SPOCK1: variants seen among roughly 807,000 people sequenced by gnomAD.
SPOCK1 encodes the protein testican-1.
SPOCK1 carries 23 observed loss-of-function variants against 55.3 expected under a neutral mutation model. The ratio of observed to expected loss-of-function variants is 0.42; its 90% CI spans 0.30 to 0.59. The LOEUF (loss-of-function observed/expected upper bound fraction) is 0.59. Ranked by LOEUF, SPOCK1 falls within the 20% of genes least tolerant of loss-of-function variation. SPOCK1 has a pLI of 0.22. For missense variants in SPOCK1, 499 were observed against 552.5 expected, an observed-to-expected ratio of 0.90 and a Z score of 0.97; for synonymous variants, 226 against 221.0, an observed-to-expected ratio of 1.02 and a Z score of -0.20.
rs772327951 is a variant in SPOCK1 at position 137,067,719 on chromosome 5, C to T, written c.585G>A (p.Arg195=). 2.4e-5 allele frequency: 38 copies of T among 1,614,018 alleles called. No homozygotes were observed. The highest frequency in any genetic ancestry group is 3.2e-5 in the Non-Finnish European group (38 of 1,179,894). ...EPEPPKHKAE[R]SACTDKELRN... The stretch of plus-strand genomic sequence containing the variant: ...CTGAAGGAAACCCTCACTCACCACT[C>T]CTTTCTGCCTTGTGCTTTGGTGGCT... Residue 195 remains arginine, a synonymous_variant, in exon 6 of 11, where the codon AGG becomes AGA. Transcript: ENST00000394945.
chr5:137,258,294 G>A (rs768117613), intron 3 of SPOCK1, among the ~76,000 whole-genome samples: 3 of 152,166 alleles, frequency 2.0e-5, no homozygotes, highest in African/African-American at 4.8e-5. Flanking sequence ...CCACTATACC[G>A]CATTGCCTTT....
intron 2 of SPOCK1, among the ~76,000 whole-genome samples, chr5:137,424,329 T>G (rs1238953740): frequency 3.9e-5 from 6 of 152,174 alleles, no homozygotes; most frequent in Non-Finnish European, 8.8e-5. Context: ...TGCAGCAAGT[T>G]ATGATCATGC....
At chr5:137,172,334 G>A (rs957819911) in intron 3 of SPOCK1, among the ~76,000 whole-genome samples, 1 of 152,124 alleles carries the variant, frequency 6.6e-6, no homozygotes, top group African/African-American at 2.4e-5. Flanking sequence ...ATGAGGATTT[G>A]GAAAACAAGA....
At chr5:137,470,719 A>G (rs1753722410) in intron 2 of SPOCK1, among the ~76,000 whole-genome samples, 1 of 152,194 alleles carries the variant, frequency 6.6e-6, no homozygotes, top group African/African-American at 2.4e-5. Flanking sequence ...CCAGTGAATC[A>G]CTGTTTTGAT....
intron 5 of SPOCK1, among the ~76,000 whole-genome samples, chr5:137,068,073 T>C (rs772265472): frequency 3.3e-5 from 5 of 152,158 alleles, no homozygotes; most frequent in Non-Finnish European, 7.4e-5. Flanking sequence ...TTAATGATGG[T>C]AAACCCTACT....
intron 2 of SPOCK1, among the ~76,000 whole-genome samples, chr5:137,348,670 T>C (rs1328099724): frequency 6.6e-6 from 1 of 152,110 alleles, no homozygotes; most frequent in Non-Finnish European, 1.5e-5. Flanking sequence ...TATGTTGAAG[T>C]AGTTATAATA....
chr5:137,304,864 C>G (rs1396432700), intron 2 of SPOCK1, among the ~76,000 whole-genome samples: 2 of 152,138 alleles, frequency 1.3e-5, no homozygotes, highest in African/African-American at 4.8e-5. Context: ...GTGACTGCAC[C>G]TACTTTGTAT....
chr5:137,336,886 G>T (rs1750292441), intron 2 of SPOCK1, among the ~76,000 whole-genome samples: 1 of 152,194 alleles, frequency 6.6e-6, no homozygotes, highest in Non-Finnish European at 1.5e-5. Flanking sequence ...TCAAGTGCAA[G>T]TTTCAAAGAA....
At chr5:137,180,664 C>G (rs1274019545) in intron 3 of SPOCK1, among the ~76,000 whole-genome samples, 1 of 152,094 alleles carries the variant, frequency 6.6e-6, no homozygotes, top group Non-Finnish European at 1.5e-5. Flanking sequence ...GCCAAGAACC[C>G]CCACTGTTTA....
intron 2 of SPOCK1, among the ~76,000 whole-genome samples, chr5:137,392,332 C>T (rs888581916): frequency 2.0e-5 from 3 of 152,194 alleles, no homozygotes; most frequent in African/African-American, 7.2e-5. Flanking sequence ...CAATCCCCAA[C>T]GCCAGCCCAC....
At chr5:137,200,903 G>A (rs552528255) in intron 3 of SPOCK1, among the ~76,000 whole-genome samples, 1 of 152,192 alleles carries the variant, frequency 6.6e-6, no homozygotes, top group Non-Finnish European at 1.5e-5. Context: ...TTCTGTTAAT[G>A]ACACTGTGAG....
intron 2 of SPOCK1, among the ~76,000 whole-genome samples, chr5:137,319,659 C>T (rs1757943742): frequency 6.6e-6 from 1 of 152,196 alleles, no homozygotes; most frequent in Non-Finnish European, 1.5e-5. Flanking sequence ...AACAACAACA[C>T]ATGAGGCCGG....
intron 5 of SPOCK1, among the ~76,000 whole-genome samples, chr5:137,069,623 A>G (rs2127007206): frequency 6.6e-6 from 1 of 152,314 alleles, no homozygotes; most frequent in Middle Eastern, 3.4e-3. Context: ...GGCAGCAGGC[A>G]GGTCACTAGC....
chr5:137,116,044 C>T (rs1244137800), intron 4 of SPOCK1, among the ~76,000 whole-genome samples: 1 of 152,162 alleles, frequency 6.6e-6, no homozygotes, highest in African/African-American at 2.4e-5. Flanking sequence ...AGTCTGAGAG[C>T]AGGTTCTGTC....
chr5:137,135,495 T>C (rs1053295250), intron 4 of SPOCK1, among the ~76,000 whole-genome samples: 3 of 152,200 alleles, frequency 2.0e-5, no homozygotes, highest in Non-Finnish European at 4.4e-5. Flanking sequence ...TCAGGAAGAA[T>C]AGCACAAGGT....
intron 3 of SPOCK1, among the ~76,000 whole-genome samples, chr5:137,246,170 G>T (rs1462596648): frequency 6.6e-6 from 1 of 152,190 alleles, no homozygotes; most frequent in Non-Finnish European, 1.5e-5. Context: ...GTTTTAAAGT[G>T]AATCTGACCA....
intron 6 of SPOCK1, among the ~76,000 whole-genome samples, chr5:136,996,702 A>G (rs1290693323): frequency 6.6e-6 from 1 of 152,130 alleles, no homozygotes; most frequent in Non-Finnish European, 1.5e-5. Flanking sequence ...AAATGTACCA[A>G]TCAGCACTCT....
At chr5:137,060,477 T>C (rs1352938846) in intron 6 of SPOCK1, among the ~76,000 whole-genome samples, 2 of 152,006 alleles carry the variant, frequency 1.3e-5, no homozygotes, top group Admixed American at 6.6e-5. Context: ...AGGGTGAGGA[T>C]CAAAAAATTA....
At chr5:136,979,610 T>C in intron 9 of SPOCK1, 141 bp from the exon 10 acceptor site, 1 of 1,078,354 alleles carries the variant, frequency 9.3e-7, no homozygotes. Flanking sequence ...TGGTTGGCTA[T>C]TAGTCAAAAT....
Sources: gnomAD v4.1 joint callset for allele counts (sites outside exome capture counted in the v4.1 genomes callset) on GRCh38, gnomAD v4.1.1 for gene constraint, MANE v1.5 for transcripts, NCBI Gene and HGNC (gene_info 2026-07-23, HGNC 2026-07-21) for gene names.